FGF13: variants seen among roughly 807,000 people sequenced by gnomAD.
FGF13 encodes the protein fibroblast growth factor 13.
FGF13 carries 2 observed loss-of-function variants against 19.5 expected under a neutral mutation model. The observed-to-expected ratio is 0.10, with a 90% CI of 0.04 to 0.32. The LOEUF (loss-of-function observed/expected upper bound fraction) is 0.32. FGF13 is among the 10% of genes least tolerant of loss of function. The probability of loss-of-function intolerance (pLI) is 1.00; values close to 1 mark genes in which losing one functional copy is unlikely to be tolerated. For missense variants in FGF13, 113 were observed against 192.7 expected (o/e 0.59, Z 2.45); for synonymous variants, 72 against 76.9 (o/e 0.94, Z 0.33).
chrX:138,695,539 A>C (rs1182257018), intron 3 of FGF13, among the ~76,000 whole-genome samples: 1 of 111,914 alleles, frequency 8.9e-6, no homozygotes, highest in Non-Finnish European at 1.9e-5. Context: ...AATAGGTGTA[A>C]AGTGCCAGGG....
At chrX:139,062,043 G>A (rs920976564) in intron 1 of FGF13, among the ~76,000 whole-genome samples, 2 of 110,819 alleles carry the variant, frequency 1.8e-5, no homozygotes, top group Admixed American at 1.9e-4. Context: ...TGTTTCTTTT[G>A]CTGTGCAGAA....
At chrX:139,132,601 A>G (rs1234656895) in intron 1 of FGF13, among the ~76,000 whole-genome samples, 1 of 112,373 alleles carries the variant, frequency 8.9e-6, no homozygotes, top group South Asian at 3.7e-4. Context: ...AGAGCAAATA[A>G]TGTGATTAGT....
chrX:139,159,593 G>T (rs895393102), intron 1 of FGF13, among the ~76,000 whole-genome samples: 1 of 101,453 alleles, frequency 9.9e-6, no homozygotes, highest in African/African-American at 3.8e-5. Flanking sequence ...CATCTCACGT[G>T]CAAAGACGCA....
intron 1 of FGF13, among the ~76,000 whole-genome samples, chrX:138,989,678 A>G (rs1165821693): frequency 9.0e-6 from 1 of 110,858 alleles, no homozygotes; most frequent in Non-Finnish European, 1.9e-5. Flanking sequence ...CCACACAATG[A>G]TACTATGCAG....
chrX:138,812,733 T>TA (rs1396146368), intron 3 of FGF13, among the ~76,000 whole-genome samples: 2 of 111,504 alleles, frequency 1.8e-5, no homozygotes, highest in Admixed American at 1.9e-4. Flanking sequence ...AAATTTCTTC[T>TA]AAAAAAAATG....
intron 1 of FGF13, among the ~76,000 whole-genome samples, chrX:139,193,290 T>C (rs899664084): frequency 1.8e-5 from 2 of 112,061 alleles, no homozygotes; most frequent in African/African-American, 6.5e-5. Context: ...ATTAGCAAAA[T>C]TAAATCCAGC....
intron 1 of FGF13, among the ~76,000 whole-genome samples, chrX:139,191,972 C>G (rs933362495): frequency 1.8e-5 from 2 of 111,768 alleles, no homozygotes. Context: ...CCCAGCCCCG[C>G]CCTCTCTGCG....
chrX:139,162,209 C>A (rs953590239), intron 1 of FGF13, among the ~76,000 whole-genome samples: 6 of 111,767 alleles, frequency 5.4e-5, no homozygotes, highest in African/African-American at 2.0e-4. Context: ...ATATAAAGAC[C>A]AATGGAACAG....
intron 3 of FGF13, among the ~76,000 whole-genome samples, chrX:138,828,368 A>C (rs1358802740): frequency 9.1e-6 from 1 of 110,072 alleles, no homozygotes; most frequent in African/African-American, 3.3e-5. Flanking sequence ...GGAGATCGAG[A>C]CCATCCTGGC....
At chrX:139,004,630 T>C (rs1603118320) in intron 1 of FGF13, among the ~76,000 whole-genome samples, 1 of 112,394 alleles carries the variant, frequency 8.9e-6, no homozygotes, top group Admixed American at 9.3e-5. Context: ...AAGAGCGCTT[T>C]TGAGGTACTC....
intron 1 of FGF13, among the ~76,000 whole-genome samples, chrX:139,037,090 C>T (rs2092253089): frequency 9.0e-6 from 1 of 111,042 alleles, no homozygotes; most frequent in African/African-American, 3.3e-5. Context: ...CCACAATACA[C>T]TGAACCACCT....
At position 139,045,742 on chromosome X, in the gene FGF13, AC is replaced by A. The variant is rs762184790; in HGVS notation, c.-113+157673del. Among the ~76,000 whole-genome samples the A allele has an allele frequency of 3.9e-4, 44 of 112,427 alleles. 1 individual carries two copies. The highest frequency in any genetic ancestry group is 1.3e-3 in the African/African-American group (41 of 30,842). Reference sequence around the variant, plus strand: ...CAGCCAAGCTCTTTGTTAATGCATAACACACGTGACATTTGCTCCAGTTCCC... The same window carrying A: ...CAGCCAAGCTCTTTGTTAATGCATAAACACGTGACATTTGCTCCAGTTCCC... On this transcript the variant is annotated intron_variant, in intron 1 of 2. Coordinates refer to the FGF13 transcript ENST00000421460.
intron 1 of FGF13, among the ~76,000 whole-genome samples, chrX:139,049,774 C>A (rs746273349): frequency 8.9e-6 from 1 of 112,357 alleles, no homozygotes; most frequent in East Asian, 2.8e-4. Context: ...TTTCGGAATC[C>A]CATAGCATTC....
chrX:138,904,904 A>G (rs1458193971), intron 1 of FGF13, among the ~76,000 whole-genome samples: 1 of 112,163 alleles, frequency 8.9e-6, no homozygotes, highest in Non-Finnish European at 1.9e-5. Context: ...ATGTGACAGG[A>G]ATCTAAGTGT....
chrX:138,844,403 C>T (rs1602947469), intron 3 of FGF13, among the ~76,000 whole-genome samples: 2 of 111,879 alleles, frequency 1.8e-5, no homozygotes, highest in South Asian at 3.7e-4. Context: ...CCTACTCTTT[C>T]CTTAGCAGTT....
chrX:139,011,661 G>C lies in FGF13; in HGVS notation c.-112-147011C>G, dbSNP rs779857360. On this transcript the variant is annotated intron_variant, in intron 1 of 2. Coordinates refer to the FGF13 transcript ENST00000421460. ...CATCCGTTTATGATTAAAACCCTCA[G>C]CAAAATCGGCATAGAAGCAACATAC... is the stretch of plus-strand genomic sequence containing the variant. Among the ~76,000 whole-genome samples, 22 of 111,502 alleles carry C rather than the reference G, an allele frequency of 2.0e-4. No individual in the cohort carries two copies. The East Asian group carries it at 6.2e-3, about 31-fold the overall frequency.
At chrX:138,853,894 G>A (rs1436401962), downstream of FGF13, among the ~76,000 whole-genome samples, 2 of 110,903 alleles carry the variant, frequency 1.8e-5, no homozygotes, top group Non-Finnish European at 3.8e-5. Flanking sequence ...AACAATCTTC[G>A]AACATCAGTA....
intron 3 of FGF13, among the ~76,000 whole-genome samples, chrX:138,762,792 G>A (rs771340332): frequency 7.1e-5 from 8 of 111,902 alleles, no homozygotes; most frequent in Admixed American, 1.9e-4. Context: ...TGCACCTAAA[G>A]CAATATCCAG....
intron 1 of FGF13, among the ~76,000 whole-genome samples, chrX:138,926,240 G>A (rs1337205097): frequency 8.9e-6 from 1 of 111,851 alleles, no homozygotes; most frequent in Admixed American, 9.5e-5. Flanking sequence ...AGCACATGAT[G>A]AGTTATTCAT....
Sources: gnomAD v4.1 joint callset for allele counts (sites outside exome capture counted in the v4.1 genomes callset) on GRCh38, gnomAD v4.1.1 for gene constraint, MANE v1.5 for transcripts, NCBI Gene and HGNC (gene_info 2026-07-23, HGNC 2026-07-21) for gene names.